Variants in DNAL4 observed in about 807,000 individuals in gnomAD.
DNAL4 encodes dynein axonemal light chain 4.
Under a neutral mutation model 12.6 loss-of-function variants are expected in DNAL4, and 10 were observed. The ratio of observed to expected loss-of-function variants is 0.79; its 90% CI spans 0.49 to 1.34. DNAL4 has a LOEUF of 1.34. DNAL4 is among the 40% of genes most tolerant of loss of function. DNAL4 has a pLI of 0.00. For missense variants in DNAL4, 128 were observed against 138.1 expected, an observed-to-expected ratio of 0.93 and a Z score of 0.37; for synonymous variants, 46 against 53.1, an observed-to-expected ratio of 0.87 and a Z score of 0.58.
rs7289344 is a variant in DNAL4, at chr22:38,792,862, C to T, written c.-140+1206G>A. ...AGGAGGAGTGTACACTGTAAAATAA[C>T]AATAAAAGTGTAGGATAGTAAACAC... On this transcript the variant is annotated intron_variant, in intron 1 of 3. Transcript: ENST00000216068. Among the ~76,000 whole-genome samples the T allele has an allele frequency of 9.4e-3, 1,425 of 152,174 alleles. 17 individuals carry two copies. The highest frequency in any genetic ancestry group is 9.3e-3 in the Non-Finnish European group (632 of 67,990).
intron 3 of DNAL4, chr22:38,780,693 C>A (rs1011556715): frequency 2.7e-5 from 14 of 512,392 alleles, no homozygotes; most frequent in African/African-American, 2.4e-4. Context: ...TGGGCAGGGG[C>A]GTCATGGAGA....
At chr22:38,791,302 G>A (rs2093050234) in intron 1 of DNAL4, among the ~76,000 whole-genome samples, 1 of 152,260 alleles carries the variant, frequency 6.6e-6, no homozygotes, top group Admixed American at 6.5e-5. Context: ...GAGTGGTGAA[G>A]GCCCAGGACA....
In DNAL4 at chr22:38,782,209, C is replaced by T. The variant is rs899426292; in HGVS notation, c.69+454G>A. On this transcript the variant is annotated intron_variant, in intron 2 of 3. Coordinates refer to ENST00000216068, the MANE Select transcript of DNAL4 (RefSeq NM_005740.3). This position sits in a 1 kb window ranked among gnomAD's most constrained non-coding sequence, Gnocchi z 5.1. The stretch of plus-strand genomic sequence containing the variant: ...AAGTTCATTCCCATCCCAGGCTTCC[C>T]GTGCCTCTGTTTCCCCGGCTTGGCA... 6.6e-5 allele frequency among the ~76,000 whole-genome samples: 10 copies of T among 152,190 alleles called. No individual in the cohort carries two copies. Among genetic ancestry groups the T allele is most frequent in the Admixed American group, 4.6e-4 (7 of 15,278 alleles).
At chr22:38,781,290 G>A (rs951774800) in intron 2 of DNAL4, among the ~76,000 whole-genome samples, 18 of 152,260 alleles carry the variant, frequency 1.2e-4, no homozygotes, top group East Asian at 1.9e-4. Flanking sequence ...GGCTGAGGGC[G>A]GAGGGAATGC....
intron 1 of DNAL4, among the ~76,000 whole-genome samples, chr22:38,789,283 C>T (rs918476592): frequency 8.5e-5 from 13 of 152,110 alleles, no homozygotes; most frequent in African/African-American, 2.7e-4. Context: ...CTTTTCTTTT[C>T]GAGACAGGGT....
In DNAL4 at chr22:38,779,352, C is replaced by A; in HGVS notation, c.*97G>T. ...CAAAGACAAAAAGAAAAGACCCCAA[C>A]TCTCCTTGGAAAAACCAGGACCTGC... On this transcript the variant is annotated 3_prime_UTR_variant, in exon 4 of 4. Transcript: ENST00000216068. This position sits in a 1 kb window ranked among gnomAD's most constrained non-coding sequence, Gnocchi z 4.3. 7.0e-7 allele frequency: 1 copy of A among 1,421,900 alleles called. No homozygotes were observed. Among genetic ancestry groups the A allele is most frequent in the Non-Finnish European group, 9.3e-7 (1 of 1,075,900 alleles). 88.1% of individuals were successfully genotyped at this position (1,421,900 alleles called of 1,614,324 possible).
chr22:38,779,592 C>G lies in DNAL4; in HGVS notation c.175G>C (p.Glu59Gln). The G allele has an allele frequency of 6.3e-7, 1 of 1,598,844 alleles. No homozygotes were observed. The highest frequency in any genetic ancestry group is 8.5e-7 in the Non-Finnish European group (1 of 1,171,786). Reference protein sequence around the residue: ...NNESAAKMIKETMDKKFGSSW... With the variant: ...NNESAAKMIKQTMDKKFGSSW... ...GAGCCGAACTTCTTGTCCATTGTCTCTTTGATCATCTTGGCGGCGCTCTGG... is the reference window on the plus strand; with the variant it reads ...GAGCCGAACTTCTTGTCCATTGTCTGTTTGATCATCTTGGCGGCGCTCTGG... Residue 59 changes from glutamate to glutamine, a missense_variant, in exon 4 of 4, where the codon GAG (glutamate) becomes CAG (glutamine). Coordinates refer to ENST00000216068, the MANE Select transcript of DNAL4 (RefSeq NM_005740.3). This position sits in a 1 kb window ranked among gnomAD's most constrained non-coding sequence, Gnocchi z 4.3.
intron 1 of DNAL4, among the ~76,000 whole-genome samples, chr22:38,791,129 T>G (rs962865039): frequency 1.4e-5 from 2 of 147,276 alleles, no homozygotes; most frequent in Admixed American, 6.8e-5. Flanking sequence ...ATCACACCAC[T>G]GCACTCCAGC....
rs181601510 is a variant in DNAL4, at chr22:38,788,267, C to T, written c.-139-5397G>A. The stretch of plus-strand genomic sequence containing the variant: ...CAGACCAGTTTAAAGTGTGGGCAGA[C>T]GCAGGGCTGCCATTTTAAAATTCTG... On this transcript the variant is annotated intron_variant, in intron 1 of 3. Coordinates refer to ENST00000216068, the MANE Select transcript of DNAL4 (RefSeq NM_005740.3). Among the ~76,000 whole-genome samples the T allele has an allele frequency of 5.9e-5, 9 of 152,308 alleles. No individual in the cohort carries two copies. In the East Asian group the frequency reaches 7.7e-4, roughly 13 times the overall value.
At chr22:38,786,446 C>G (rs2093042330) in intron 1 of DNAL4, among the ~76,000 whole-genome samples, 1 of 152,170 alleles carries the variant, frequency 6.6e-6, no homozygotes, top group Non-Finnish European at 1.5e-5. Context: ...GTAATCCCAG[C>G]TACTGGGGAG....
intron 3 of DNAL4, chr22:38,780,665 C>T: frequency 2.1e-6 from 1 of 480,208 alleles, no homozygotes; most frequent in Non-Finnish European, 3.8e-6. Context: ...TTCAGCAGCC[C>T]ACCTGAGGCA....
At position 38,779,604 on chromosome 22, in the gene DNAL4, T is replaced by C. The variant is rs1272320395; in HGVS notation, c.163A>G (p.Lys55Glu). 1 of 1,597,982 alleles carries C rather than the reference T, an allele frequency of 6.3e-7. No individual in the cohort carries two copies. Among genetic ancestry groups the C allele is most frequent in the Non-Finnish European group, 8.5e-7 (1 of 1,171,412 alleles). The stretch of plus-strand genomic sequence containing the variant: ...TTGTCCATTGTCTCTTTGATCATCT[T>C]GGCGGCGCTCTGGAAGGAAGAGGGC... ...KFSNNNESAA[K>E]MIKETMDKKF... The change falls in exon 4 of 4, where the codon AAG (lysine) becomes GAG (glutamate). Residue 55 changes from lysine (K) to glutamate (E), a missense_variant. Coordinates refer to ENST00000216068, the MANE Select transcript of DNAL4 (RefSeq NM_005740.3). The surrounding 1 kb of genome is among the most constrained non-coding windows in gnomAD (Gnocchi z 4.3).
chr22:38,792,713 C>T (rs1023483900), intron 1 of DNAL4, among the ~76,000 whole-genome samples: 1 of 152,210 alleles, frequency 6.6e-6, no homozygotes, highest in Non-Finnish European at 1.5e-5. Context: ...TCCCGCTGGA[C>T]GGTCTTCAGG....
chr22:38,787,079 AC>A lies in DNAL4; in HGVS notation c.-139-4210del, dbSNP rs142507299. 8.0e-3 allele frequency among the ~76,000 whole-genome samples: 1,215 copies of A among 152,012 alleles called. 16 individuals are homozygous for A. The highest frequency in any genetic ancestry group is 0.028 in the African/African-American group (1,154 of 41,454). ...AGATCACGGCTCGCCTCCCTGTACC[AC>A]CCACCATGCACCTGAGAGATTGCAG... On this transcript the variant is annotated intron_variant, in intron 1 of 3. Transcript: ENST00000216068.
At chr22:38,793,233 A>G (rs1401273498) in intron 1 of DNAL4, among the ~76,000 whole-genome samples, 2 of 152,216 alleles carry the variant, frequency 1.3e-5, no homozygotes, top group African/African-American at 2.4e-5. Flanking sequence ...GAGAGGGTCA[A>G]CTGGAGAAAT....
Position 38,779,504 on chromosome 22 carries a change from A to T in DNAL4, c.263T>A (p.Leu88His). Residue 88 changes from leucine to histidine, a missense_variant, in exon 4 of 4, where the codon CTC (leucine) becomes CAC (histidine). Leu to His is a moderately conservative substitution (Grantham distance 99, BLOSUM62 -3). Transcript: ENST00000216068. This position sits in a 1 kb window ranked among gnomAD's most constrained non-coding sequence, Gnocchi z 4.3. The stretch of plus-strand genomic sequence containing the variant: ...GGTGCCCCCGAAGTACAGGTAGAGG[A>T]GGTTCTTCACCTCGTGGGTGATCTC... Reference protein sequence around the residue: ...GFEITHEVKNLLYLYFGGTLA... With the variant: ...GFEITHEVKNHLYLYFGGTLA... 6.3e-7 allele frequency: 1 copy of T among 1,582,264 alleles called. No individual in the cohort carries two copies. Among genetic ancestry groups the T allele is most frequent in the Non-Finnish European group, 8.6e-7 (1 of 1,163,296 alleles).
At chr22:38,792,613 T>G (rs1399256359) in intron 1 of DNAL4, among the ~76,000 whole-genome samples, 1 of 152,244 alleles carries the variant, frequency 6.6e-6, no homozygotes, top group Non-Finnish European at 1.5e-5. Flanking sequence ...ATTTTTAACT[T>G]TTTTGTTAAA....
chr22:38,793,792 A>C (rs1203656120), intron 1 of DNAL4, among the ~76,000 whole-genome samples: 2 of 151,146 alleles, frequency 1.3e-5, no homozygotes, highest in Admixed American at 1.3e-4. Context: ...CTAAAGGGGG[A>C]CGCGGGACCA....
chr22:38,787,788 G>T (rs1455953815), intron 1 of DNAL4, among the ~76,000 whole-genome samples: 1 of 152,124 alleles, frequency 6.6e-6, no homozygotes, highest in African/African-American at 2.4e-5. Flanking sequence ...GTGTGGCTAT[G>T]GTGTGCCTTC....
Sources: gnomAD v4.1 joint callset for allele counts (sites outside exome capture counted in the v4.1 genomes callset) on GRCh38, gnomAD v4.1.1 for gene constraint, Gnocchi (gnomAD v3.1) non-coding constraint, MANE v1.5 for transcripts, NCBI Gene and HGNC (gene_info 2026-07-23, HGNC 2026-07-21) for gene names.